Variants in EMC1 observed in about 807,000 individuals in gnomAD.
EMC1 encodes the protein ER membrane protein complex subunit 1.
Under a neutral mutation model 128.8 loss-of-function variants are expected in EMC1, and 103 were observed. That is an observed-to-expected ratio of 0.80 (90% CI 0.68 to 0.94). EMC1 has a LOEUF of 0.94. Among genes scored for constraint, EMC1 ranks in the 40% least tolerant of loss-of-function variants. EMC1 has a pLI of 0.00. For synonymous variants in EMC1, 442 were observed against 490.4 expected (o/e 0.90, Z 1.30); for missense variants, 1,083 against 1,250.6 (o/e 0.87, Z 2.02).
rs759762786 is a variant in EMC1 at position 19,241,068 on chromosome 1, C to G, written c.584G>C (p.Ser195Thr). 6.2e-7 allele frequency: 1 copy of G among 1,614,154 alleles called. No individual in the cohort carries two copies. Among genetic ancestry groups the G allele is most frequent in the South Asian group, 1.1e-5 (1 of 91,078 alleles). Residue 195 changes from serine to threonine, a missense_variant, in exon 6 of 23, where the codon AGC becomes ACC. Transcript: ENST00000477853. ...ATTAAACTTGACAATGTTCACATGG[C>G]TGAAGGGAACAACTCCGAGGGCCCA... is the stretch of plus-strand genomic sequence containing the variant. ...VVWALGVVPF[S>T]HVNIVKFNVE...
intron 20 of EMC1, 99 bp downstream of exon 20, chr1:19,222,525 G>C (rs904078727): frequency 9.7e-7 from 1 of 1,033,200 alleles, no homozygotes; most frequent in Non-Finnish European, 1.5e-6. Flanking sequence ...CCTTACAGGT[G>C]GTTCAACAAG....
intron 17 of EMC1, among the ~76,000 whole-genome samples, chr1:19,230,592 T>C (rs1571995786): frequency 1.3e-5 from 2 of 150,144 alleles, no homozygotes; most frequent in African/African-American, 2.4e-5. Flanking sequence ...AAAAAGAATG[T>C]GGAATGAAAG....
chr1:19,246,646 G>A (rs1252561443), intron 1 of EMC1, among the ~76,000 whole-genome samples: 2 of 152,046 alleles, frequency 1.3e-5, no homozygotes, highest in Admixed American at 1.3e-4. Context: ...AGCTGGGCGT[G>A]ATGGGCACCT....
intron 1 of EMC1, among the ~76,000 whole-genome samples, chr1:19,245,287 C>T (rs1348508924): frequency 6.6e-6 from 1 of 152,050 alleles, no homozygotes; most frequent in African/African-American, 2.4e-5. Flanking sequence ...ATGAAAAATA[C>T]AAAATTAGCT....
At chr1:19,223,900 G>A (rs2093451157) in intron 18 of EMC1, among the ~76,000 whole-genome samples, 1 of 152,152 alleles carries the variant, frequency 6.6e-6, no homozygotes, top group African/African-American at 2.4e-5. Flanking sequence ...CAAAATCCAG[G>A]TCTGCCCACT....
At position 19,215,908 on chromosome 1, in the gene EMC1, T is replaced by TA. The variant is rs2093384876; in HGVS notation, c.*3394dup. 1 of 152,072 alleles carries TA rather than the reference T, an allele frequency of 6.6e-6. No homozygotes were observed. The highest frequency in any genetic ancestry group is 2.4e-5 in the African/African-American group (1 of 41,390). The allele number at this position is 152,072 out of a possible 1,614,324, so 9.4% of individuals were successfully genotyped here. A position where few individuals can be genotyped will look rare whatever the true frequency, so the allele number is the denominator to read the frequency against. ...TTCACCATGTTGGCCAGGCTGGTCTTAAACTCCTGACCTCAAATGATCTGC... is the reference window on the plus strand; with the variant it reads ...TTCACCATGTTGGCCAGGCTGGTCTTAAAACTCCTGACCTCAAATGATCTGC... On this transcript the variant is annotated 3_prime_UTR_variant, in exon 23 of 23. Coordinates refer to ENST00000477853, the MANE Select transcript of EMC1 (RefSeq NM_015047.3).
intron 13 of EMC1, among the ~76,000 whole-genome samples, chr1:19,233,888 T>C (rs1384763833): frequency 6.6e-6 from 1 of 152,184 alleles, no homozygotes; most frequent in East Asian, 1.9e-4. Context: ...ACTGGACTGT[T>C]CCAAAATTAC....
rs574664924 is a variant in EMC1, at chr1:19,221,243, G to A, written c.2588-395C>T. On this transcript the variant is annotated intron_variant, in intron 20 of 22. Transcript: ENST00000477853. ...TCATGCAGCTGCGGTACAGTGGCCAGGGAAGACTGGAGGACCAGGCATGAT... is the reference window on the plus strand; with the variant it reads ...TCATGCAGCTGCGGTACAGTGGCCAAGGAAGACTGGAGGACCAGGCATGAT... 6 of 164,880 alleles carry A rather than the reference G, an allele frequency of 3.6e-5. No individual in the cohort carries two copies. In the South Asian group the frequency reaches 9.2e-4, roughly 25 times the overall value. 10.2% of individuals were successfully genotyped at this position (164,880 alleles called of 1,614,324 possible).
rs753386669 is a variant in EMC1, at chr1:19,244,025, A to G, written c.221-10T>C. On this transcript the variant is annotated splice_polypyrimidine_tract_variant and intron_variant, in intron 2 of 22. Transcript: ENST00000477853. ...TCAACATGGCGCCACACTGAGAGAC[A>G]TGAAAGTTAGACATTACTATGAACA... is the stretch of plus-strand genomic sequence containing the variant. 1 of 1,614,054 alleles carries G rather than the reference A, an allele frequency of 6.2e-7. No individual in the cohort carries two copies. The highest frequency in any genetic ancestry group is 8.5e-7 in the Non-Finnish European group (1 of 1,179,944).
chr1:19,251,464 G>C lies in EMC1; in HGVS notation c.46C>G (p.Leu16Val), dbSNP rs998516613. Residue 16 changes from leucine (L) to valine (V), a missense_variant, in exon 1 of 23, where the codon CTG (leucine) becomes GTG (valine). By Grantham distance (32) the Leu-to-Val change is conservative (BLOSUM62 1). Around this residue, in one of 3 missense-constraint regions of EMC1, gnomAD observed 544 missense variants for 572.4 expected, o/e 0.95. Transcript: ENST00000477853. ...TCGTAGACCGCGGCCGCAGGAATCA[G>C]CAGCGTAGCCCAAAGCCAGAAACGA... ...ASRFWLWATL[L>V]IPAAAVYEDQ... 6.2e-7 allele frequency: 1 copy of C among 1,614,186 alleles called. No individual in the cohort carries two copies. The highest frequency in any genetic ancestry group is 8.5e-7 in the Non-Finnish European group (1 of 1,180,040).
intron 17 of EMC1, chr1:19,229,371 AG>A (rs1410517606): frequency 3.9e-5 from 6 of 152,180 alleles, no homozygotes; most frequent in Non-Finnish European, 7.3e-5. Flanking sequence ...ATCCCCAGAG[AG>A]GAAGGTCACC....
In EMC1 at chr1:19,220,815, G is replaced by T. The variant is rs369308304; in HGVS notation, c.2621C>A (p.Pro874His). Residue 874 changes from proline to histidine, a missense_variant, in exon 21 of 23, where the codon CCT (proline) becomes CAT (histidine). Around this residue, in one of 3 missense-constraint regions of EMC1, gnomAD observed 527 missense variants for 644.1 expected, o/e 0.82. Coordinates refer to ENST00000477853, the MANE Select transcript of EMC1 (RefSeq NM_015047.3). Reference sequence around the variant, plus strand: ...GCGGCGGGGATCCAGCAAAGCCTTAGGAAGGGAAAGAATTGCTCCAGAAGG... The same window carrying T: ...GCGGCGGGGATCCAGCAAAGCCTTATGAAGGGAAAGAATTGCTCCAGAAGG... ...GLPSGAILSL[P>H]KALLDPRRPE... 1.2e-6 allele frequency: 2 copies of T among 1,613,860 alleles called. No homozygotes were observed. The highest frequency in any genetic ancestry group is 1.1e-5 in the South Asian group (1 of 91,050).
intron 17 of EMC1, among the ~76,000 whole-genome samples, chr1:19,228,810 C>G (rs1252685087): frequency 6.6e-6 from 1 of 151,990 alleles, no homozygotes; most frequent in Middle Eastern, 3.2e-3. Flanking sequence ...CCAGCACTTT[C>G]GGAGCCCGAG....
chr1:19,244,853 G>GT (rs770686364), intron 2 of EMC1, 53 bp downstream of exon 2: 5 of 1,604,026 alleles, frequency 3.1e-6, no homozygotes, highest in Non-Finnish European at 4.3e-6. Flanking sequence ...GTTGGCAATG[G>GT]TAAGTCTTTC....
intron 14 of EMC1, 28 bp from the exon 15 acceptor site, chr1:19,232,801 C>T (rs2093533805): frequency 1.2e-6 from 2 of 1,613,742 alleles, no homozygotes; most frequent in Non-Finnish European, 1.7e-6. Flanking sequence ...ACTTGGCTCA[C>T]TACTAGAAAG....
rs760987134 is a variant in EMC1 at position 19,217,767 on chromosome 1, T to C, written c.*1536A>G. 1.3e-5 allele frequency: 2 copies of C among 152,206 alleles called. No homozygotes were observed. The highest frequency in any genetic ancestry group is 2.9e-5 in the Non-Finnish European group (2 of 68,038). 9.4% of individuals were successfully genotyped at this position (152,206 alleles called of 1,614,324 possible). On this transcript the variant is annotated 3_prime_UTR_variant, in exon 23 of 23. Coordinates refer to ENST00000477853, the MANE Select transcript of EMC1 (RefSeq NM_015047.3). ...TACTTAACTCTCTTCTCCCAGGTTA[T>C]GTTAAAATATGCCTTGGGTCAGGAT...
chr1:19,246,715 G>T (rs2093633537), intron 1 of EMC1, among the ~76,000 whole-genome samples: 2 of 152,258 alleles, frequency 1.3e-5, no homozygotes, highest in South Asian at 2.1e-4. Flanking sequence ...TGGAAGCGGA[G>T]GTTGCAGTGA....
Position 19,222,645 on chromosome 1 carries a change from T to C in EMC1, c.2566A>G (p.Ile856Val). 1 of 1,613,916 alleles carries C rather than the reference T, an allele frequency of 6.2e-7. No individual in the cohort carries two copies. Among genetic ancestry groups the C allele is most frequent in the South Asian group, 1.1e-5 (1 of 91,064 alleles). Residue 856 changes from isoleucine to valine, a missense_variant, in exon 20 of 23, where the codon ATC (isoleucine) becomes GTC (valine). Around this residue, in one of 3 missense-constraint regions of EMC1, gnomAD observed 527 missense variants for 644.1 expected, o/e 0.82. Coordinates refer to ENST00000477853, the MANE Select transcript of EMC1 (RefSeq NM_015047.3). ...AMEATITERG[I>V]TSRHLLIGLP... ...TCACTCAGCAGGTGTCGGCTGGTGA[T>C]GCCCCGTTCGGTGATGGTGGCCTCC... is the stretch of plus-strand genomic sequence containing the variant.
rs1197569444 is a variant in EMC1 at position 19,243,983 on chromosome 1, CTT to C, written c.251_252del (p.Glu84GlyfsTer29). ...LWRHVDKGTA[E>X]GAVDAMLLHG... ...TGCAGCAGCATGGCATCCACAGCCC[CTT>C]CTGCCGTGCCCTTGTCAACATGGCG... On this transcript the variant is annotated frameshift_variant, in exon 3 of 23. Coordinates refer to ENST00000477853, the MANE Select transcript of EMC1 (RefSeq NM_015047.3). LOFTEE classifies it high-confidence loss of function. The C allele has an allele frequency of 6.2e-7, 1 of 1,614,162 alleles. No individual in the cohort carries two copies.
Sources: gnomAD v4.1 joint callset for allele counts (sites outside exome capture counted in the v4.1 genomes callset) on GRCh38, gnomAD v4.1.1 for gene constraint, gnomAD v4.1.1 regional missense constraint, MANE v1.5 for transcripts, NCBI Gene and HGNC (gene_info 2026-07-23, HGNC 2026-07-21) for gene names.